The following ZNF569 variants were observed in gnomAD, a reference collection of about 807,000 sequenced individuals.
ZNF569 encodes zinc finger protein 569.
ZNF569 carries 38 observed loss-of-function variants against 56.3 expected under a neutral mutation model. The observed-to-expected ratio is 0.68, with a 90% CI of 0.52 to 0.88. The LOEUF (loss-of-function observed/expected upper bound fraction) is 0.88, where lower values mean the gene tolerates loss of function less well. Ranked by LOEUF, ZNF569 falls within the 40% of genes least tolerant of loss-of-function variation. The pLI is 0.00. For synonymous variants in ZNF569, 241 were observed against 262.9 expected, an observed-to-expected ratio of 0.92 and a Z score of 0.81; for missense variants, 666 against 809.2, an observed-to-expected ratio of 0.82 and a Z score of 2.15.
At chr19:37,463,441 C>T (rs182494182) in intron 2 of ZNF569, among the ~76,000 whole-genome samples, 7 of 152,326 alleles carry the variant, frequency 4.6e-5, no homozygotes, top group African/African-American at 7.2e-5. Flanking sequence ...AACACCCCTA[C>T]TGCACTGATA....
At position 37,432,349 on chromosome 19, in the gene ZNF569, GACA is replaced by G. The variant is rs765743025; in HGVS notation, c.16-5974_16-5972del. Among the ~76,000 whole-genome samples, 8 of 152,214 alleles carry G rather than the reference GACA, an allele frequency of 5.3e-5. No homozygotes were observed. The East Asian group carries it at 9.6e-4, about 18-fold the overall frequency. On this transcript the variant is annotated intron_variant, in intron 3 of 5. Coordinates refer to ENST00000316950, the MANE Select transcript of ZNF569 (RefSeq NM_152484.3). ...ACAGAAAGACTCTGGGAGAAAGTAA[GACA>G]ACAAGAGTCTCTACCTGGTAATCCA...
upstream of ZNF569, chr19:37,469,192 G>A (rs2041907809): frequency 1.6e-6 from 2 of 1,256,960 alleles, no homozygotes; most frequent in African/African-American, 1.5e-5. Context: ...GGAGGACCTG[G>A]TGGGGAGGAG....
chr19:37,451,530 G>A (rs895828771), intron 2 of ZNF569, among the ~76,000 whole-genome samples: 1 of 151,940 alleles, frequency 6.6e-6, no homozygotes, highest in African/African-American at 2.4e-5. Context: ...AGAAAGTGGG[G>A]TATTAAAGTC....
chr19:37,442,418 C>A (rs1003287712), intron 3 of ZNF569, among the ~76,000 whole-genome samples: 1 of 152,072 alleles, frequency 6.6e-6, no homozygotes, highest in Non-Finnish European at 1.5e-5. Context: ...GAGGGTGAAA[C>A]ACAGTGAATG....
chr19:37,469,235 G>A, upstream of ZNF569: 16 of 1,362,602 alleles, frequency 1.2e-5, no homozygotes, highest in South Asian at 6.5e-5. Flanking sequence ...GAGCTGCACC[G>A]CTGCTGCCAG....
At chr19:37,417,384 C>A (rs974365905) in intron 5 of ZNF569, among the ~76,000 whole-genome samples, 1 of 152,110 alleles carries the variant, frequency 6.6e-6, no homozygotes, top group African/African-American at 2.4e-5. Flanking sequence ...CCTCAACCTC[C>A]CAAGTAGCTG....
chr19:37,427,370 G>C (rs1187980988), intron 3 of ZNF569, among the ~76,000 whole-genome samples: 5 of 151,936 alleles, frequency 3.3e-5, no homozygotes, highest in Non-Finnish European at 5.9e-5. Context: ...CTTCTTAAAG[G>C]CAATGTGATT....
chr19:37,426,278 T>C lies in ZNF569; in HGVS notation c.116A>G (p.Glu39Gly). The C allele has an allele frequency of 1.2e-6, 2 of 1,613,112 alleles. No homozygotes were observed. Among genetic ancestry groups the C allele is most frequent in the Non-Finnish European group, 1.7e-6 (2 of 1,179,678 alleles). Residue 39 changes from glutamate (E) to glycine (G), a missense_variant, in exon 4 of 6, where the codon GAA becomes GGA. Transcript: ENST00000316950. Reference protein sequence around the residue: ...QRKLYRNVMLENYNNLITVGY... With the variant: ...QRKLYRNVMLGNYNNLITVGY... ...TACTGTGATTAAGTTGTTATAGTTT[T>C]CTAGCATCACATTCCGGTACAGTTT...
intron 2 of ZNF569, among the ~76,000 whole-genome samples, chr19:37,462,027 C>T (rs1010276975): frequency 6.6e-6 from 1 of 152,140 alleles, no homozygotes; most frequent in Non-Finnish European, 1.5e-5. Flanking sequence ...GTCCCAATCT[C>T]TGTGATTTTT....
At chr19:37,456,685 G>A (rs1180945885) in intron 2 of ZNF569, among the ~76,000 whole-genome samples, 2 of 151,810 alleles carry the variant, frequency 1.3e-5, no homozygotes, top group East Asian at 3.9e-4. Flanking sequence ...TTAAAAACTC[G>A]AGGCCAGGCA....
chr19:37,419,969 C>CTTTTTTTTTTTTTTTTTTT (rs60568702), intron 5 of ZNF569, among the ~76,000 whole-genome samples: 1 of 100,626 alleles, frequency 9.9e-6, no homozygotes, highest in Non-Finnish European at 1.9e-5. Context: ...TCTTTTCTTT[C>CTTTTTTTTTTTTTTTTTTT]TTTTTTTTTT....
chr19:37,448,975 C>G (rs184045779), intron 2 of ZNF569, among the ~76,000 whole-genome samples: 17 of 152,282 alleles, frequency 1.1e-4, no homozygotes, highest in Admixed American at 1.0e-3. Context: ...ATGCAACAAA[C>G]TTCCCTGTAT....
Position 37,413,177 on chromosome 19 carries a change from T to A in ZNF569, c.1481A>T (p.Tyr494Phe), listed in dbSNP as rs753709721. Reference protein sequence around the residue: ...HEKIHSGEKPYECNECGKAFS... With the variant: ...HEKIHSGEKPFECNECGKAFS... ...GGCTTTACCACATTCATTGCATTCA[T>A]AGGGTTTCTCTCCAGAATGAATTTT... Residue 494 changes from tyrosine to phenylalanine, a missense_variant, in exon 6 of 6, where the codon TAT becomes TTT. Coordinates refer to ENST00000316950, the MANE Select transcript of ZNF569 (RefSeq NM_152484.3). The A allele has an allele frequency of 2.5e-6, 4 of 1,606,866 alleles. No homozygotes were observed. Among genetic ancestry groups the A allele is most frequent in the Non-Finnish European group, 2.5e-6 (3 of 1,177,552 alleles).
chr19:37,464,532 T>C (rs2041802678), intron 2 of ZNF569, among the ~76,000 whole-genome samples: 1 of 152,194 alleles, frequency 6.6e-6, no homozygotes, highest in Non-Finnish European at 1.5e-5. Flanking sequence ...TGTTTAGATA[T>C]GTTTAGATAC....
chr19:37,452,666 T>C (rs1255745283), intron 2 of ZNF569, among the ~76,000 whole-genome samples: 1 of 152,214 alleles, frequency 6.6e-6, no homozygotes, highest in Non-Finnish European at 1.5e-5. Context: ...GCAAAGTTTC[T>C]GCTGAAAAAA....
chr19:37,462,170 GCCCATCTA>G (rs2041767040), intron 2 of ZNF569, among the ~76,000 whole-genome samples: 1 of 151,950 alleles, frequency 6.6e-6, no homozygotes, highest in Non-Finnish European at 1.5e-5. Flanking sequence ...CAACACATCT[GCCCATCTA>G]CTTGTATCTG....
chr19:37,457,581 G>T (rs546291827), intron 2 of ZNF569, among the ~76,000 whole-genome samples: 3 of 151,478 alleles, frequency 2.0e-5, no homozygotes, highest in Non-Finnish European at 4.4e-5. Context: ...GCAAACTATC[G>T]CAAGGACAGA....
chr19:37,457,090 C>G (rs1388455712), intron 2 of ZNF569, among the ~76,000 whole-genome samples: 1 of 152,028 alleles, frequency 6.6e-6, no homozygotes, highest in African/African-American at 2.4e-5. Flanking sequence ...TTTTCTACCT[C>G]TCTTTCCTTC....
chr19:37,453,907 T>C (rs1319612930), intron 2 of ZNF569, among the ~76,000 whole-genome samples: 2 of 152,238 alleles, frequency 1.3e-5, no homozygotes, highest in Non-Finnish European at 2.9e-5. Flanking sequence ...TTTGTCTCTT[T>C]GAAGTATGTT....
Sources: allele counts gnomAD v4.1 joint callset (sites outside exome capture counted in the v4.1 genomes callset), GRCh38; gene constraint gnomAD v4.1.1; transcripts MANE v1.5; gene names NCBI Gene and HGNC (gene_info 2026-07-23, HGNC 2026-07-21).